The following KLF16 variants were observed in gnomAD, a reference collection of about 807,000 sequenced individuals.
KLF16 encodes the protein Krueppel-like factor 16.
KLF16 carries 6 observed loss-of-function variants against 6.1 expected under a neutral mutation model. The ratio of observed to expected loss-of-function variants is 0.98; its 90% CI spans 0.54 to 1.93. The LOEUF is 1.93. KLF16 is among the 30% of genes most tolerant of loss of function. KLF16 has a pLI of 0.01. For synonymous variants in KLF16, 211 were observed against 176.5 expected, an observed-to-expected ratio of 1.20 and a Z score of -1.55; for missense variants, 355 against 363.8, an observed-to-expected ratio of 0.98 and a Z score of 0.20.
upstream of KLF16, among the ~76,000 whole-genome samples, chr19:1,866,178 G>A (rs1268662947): frequency 6.6e-6 from 1 of 151,604 alleles, no homozygotes. Context: ...CCAGGTGGTG[G>A]GCACCTGTAA....
the KLF16 span, among the ~76,000 whole-genome samples, chr19:1,872,265 G>A: frequency 2.0e-5 from 3 of 152,176 alleles, no homozygotes; most frequent in Non-Finnish European, 4.4e-5. Flanking sequence ...CGAGTAGCTG[G>A]GACTACAGGC....
upstream of KLF16, among the ~76,000 whole-genome samples, chr19:1,864,654 C>T (rs183269557): frequency 1.4e-4 from 21 of 152,304 alleles, no homozygotes; most frequent in Non-Finnish European, 2.6e-4. Context: ...TCCGGGGCTT[C>T]TCTTTCCATT....
At chr19:1,861,567 C>G (rs576610575) in intron 1 of KLF16, 2 of 152,380 alleles carry the variant, frequency 1.3e-5, no homozygotes, top group East Asian at 3.9e-4. Flanking sequence ...ATGTGTGGCT[C>G]CTCGCAGAAA....
intron 1 of KLF16, among the ~76,000 whole-genome samples, chr19:1,855,677 G>T (rs1035714811): frequency 3.3e-5 from 5 of 152,240 alleles, no homozygotes; most frequent in African/African-American, 1.2e-4. Context: ...TTTAGCCGGG[G>T]TCTCACGCCC....
At chr19:1,858,099 T>G (rs1418491215) in intron 1 of KLF16, among the ~76,000 whole-genome samples, 1 of 151,192 alleles carries the variant, frequency 6.6e-6, no homozygotes, top group Non-Finnish European at 1.5e-5. Context: ...AACCCCCTGC[T>G]GTTCCCGCCA....
At chr19:1,865,869 C>T (rs1441266219), upstream of KLF16, among the ~76,000 whole-genome samples, 1 of 152,208 alleles carries the variant, frequency 6.6e-6, no homozygotes, top group Non-Finnish European at 1.5e-5. Flanking sequence ...TCTCTATGAC[C>T]CTGTAAATTC....
chr19:1,856,965 G>A (rs1328165282), intron 1 of KLF16, among the ~76,000 whole-genome samples: 2 of 122,928 alleles, frequency 1.6e-5, no homozygotes, highest in Admixed American at 8.1e-5. Flanking sequence ...TGGGGGGGGC[G>A]ACCGGGGCAG....
the KLF16 span, among the ~76,000 whole-genome samples, chr19:1,871,026 A>G: frequency 2.6e-5 from 4 of 152,206 alleles, no homozygotes; most frequent in African/African-American, 4.8e-5. Flanking sequence ...ATCCGTAAGG[A>G]AAGAGTGCAC....
At chr19:1,876,517 C>G in the KLF16 span, among the ~76,000 whole-genome samples, 1 of 152,248 alleles carries the variant, frequency 6.6e-6, no homozygotes, top group African/African-American at 2.4e-5. Context: ...CCGCCCTCTG[C>G]TGGACCCCAG....
the KLF16 span, chr19:1,875,130 T>A: frequency 6.6e-6 from 1 of 152,218 alleles, no homozygotes; most frequent in Admixed American, 6.5e-5. Context: ...TACCACCCCT[T>A]TAGGGGCCTA....
chr19:1,870,136 T>C, the KLF16 span, among the ~76,000 whole-genome samples: 2 of 151,064 alleles, frequency 1.3e-5, no homozygotes, highest in African/African-American at 4.9e-5. Context: ...TTCTCCACAT[T>C]GGCCAGGCTG....
chr19:1,870,875 A>G, the KLF16 span, among the ~76,000 whole-genome samples: 2 of 152,188 alleles, frequency 1.3e-5, no homozygotes, highest in Non-Finnish European at 2.9e-5. Flanking sequence ...ACGCGCCCGT[A>G]ATCCCAGCTA....
upstream of KLF16, among the ~76,000 whole-genome samples, chr19:1,867,425 CTT>C (rs1383868585): frequency 6.6e-6 from 1 of 152,216 alleles, no homozygotes; most frequent in Non-Finnish European, 1.5e-5. Flanking sequence ...AAATTCAAAA[CTT>C]ACCCAGGCAT....
At chr19:1,862,278 G>A (rs1375485521) in intron 1 of KLF16, among the ~76,000 whole-genome samples, 5 of 152,158 alleles carry the variant, frequency 3.3e-5, no homozygotes, top group African/African-American at 9.7e-5. Context: ...CGCCGCCCCG[G>A]GGACTGCGCT....
At position 1,855,192 on chromosome 19, in the gene KLF16, C is replaced by T. The variant is rs77702794; in HGVS notation, c.458-432G>A. On this transcript the variant is annotated intron_variant, in intron 1 of 1. Transcript: ENST00000250916. ...CGGCCTTCAGGCTGTCCCTGCCCCC[C>T]ACCCAGGGGCATGCAGGGGCCTCCA... Among the ~76,000 whole-genome samples the T allele has an allele frequency of 2.0e-3, 301 of 152,358 alleles. 1 individual carries two copies. Among genetic ancestry groups the T allele is most frequent in the Non-Finnish European group, 3.7e-3 (250 of 68,022 alleles).
upstream of KLF16, among the ~76,000 whole-genome samples, chr19:1,864,145 C>T (rs2012140909): frequency 1.3e-5 from 2 of 150,582 alleles, no homozygotes; most frequent in African/African-American, 2.4e-5. Context: ...GGCGGGAGCC[C>T]GCCCCCTCCC....
Position 1,854,707 on chromosome 19 carries a change from A to G in KLF16, c.511T>C (p.Ser171Pro). ...CGGTGGTGGCGGGCCAGCTCGTCGG[A>G]GCGGGCGAACTTCTTGTCGCAGCCC... The part of the protein sequence containing the change: ...WQGCDKKFAR[S>P]DELARHHRTH... The change falls in exon 2 of 2, where the codon TCC (serine) becomes CCC (proline). Residue 171 changes from serine (S) to proline (P), a missense_variant. By Grantham distance (74) the Ser-to-Pro change is moderately conservative. Coordinates refer to ENST00000250916, the MANE Select transcript of KLF16 (RefSeq NM_031918.4). 6.3e-7 allele frequency: 1 copy of G among 1,599,284 alleles called. No homozygotes were observed. The highest frequency in any genetic ancestry group is 8.5e-7 in the Non-Finnish European group (1 of 1,179,474).
the KLF16 span, among the ~76,000 whole-genome samples, chr19:1,871,484 C>G: frequency 2.6e-5 from 4 of 152,320 alleles, no homozygotes; most frequent in Non-Finnish European, 4.4e-5. Flanking sequence ...CCCACCCCCC[C>G]GGGGCTGGCG....
At chr19:1,859,660 G>A (rs1355629126) in intron 1 of KLF16, among the ~76,000 whole-genome samples, 2 of 152,092 alleles carry the variant, frequency 1.3e-5, no homozygotes, top group Non-Finnish European at 2.9e-5. Flanking sequence ...GCCTCCTCCA[G>A]GAAGCGCTTT....
Sources: gnomAD v4.1 joint callset for allele counts (sites outside exome capture counted in the v4.1 genomes callset) on GRCh38, gnomAD v4.1.1 for gene constraint, MANE v1.5 for transcripts, NCBI Gene and HGNC (gene_info 2026-07-23, HGNC 2026-07-21) for gene names.